Variants in GPC6 observed in about 807,000 individuals in gnomAD.
The protein encoded by GPC6 is glypican 6, also known as glypican-6.
A neutral mutation model predicts 55.2 loss-of-function variants in GPC6; 14 were observed. The observed-to-expected ratio is 0.25, with a 90% CI of 0.17 to 0.40. The LOEUF (loss-of-function observed/expected upper bound fraction) is 0.40. Ranked by LOEUF, GPC6 falls within the 10% of genes least tolerant of loss-of-function variation. The pLI is 1.00. For missense variants in GPC6, 641 were observed against 708.5 expected (o/e 0.90, Z 1.08); for synonymous variants, 278 against 259.6 (o/e 1.07, Z -0.68).
chr13:94,362,350 CAT>C (rs1879097702), intron 6 of GPC6, among the ~76,000 whole-genome samples: 1 of 152,184 alleles, frequency 6.6e-6, no homozygotes, highest in African/African-American at 2.4e-5. Context: ...GTATCAATAA[CAT>C]AAAATTTCAC....
At chr13:94,074,576 A>T (rs1159952927) in intron 4 of GPC6, among the ~76,000 whole-genome samples, 1 of 152,196 alleles carries the variant, frequency 6.6e-6, no homozygotes, top group East Asian at 1.9e-4. Context: ...ATGACTTCAG[A>T]TAGAAAAGTC....
At chr13:93,249,375 C>T (rs1028172121) in intron 1 of GPC6, among the ~76,000 whole-genome samples, 1 of 152,146 alleles carries the variant, frequency 6.6e-6, no homozygotes, top group Non-Finnish European at 1.5e-5. Context: ...GAATTGTATC[C>T]TTTCTGCCTT....
chr13:93,450,768 A>G (rs1185215163), intron 1 of GPC6: 2 of 875,572 alleles, frequency 2.3e-6, no homozygotes, highest in African/African-American at 1.8e-5. Context: ...CCTTTAGGAA[A>G]TAGTTTATTT....
At chr13:93,363,007 A>G (rs1037029112) in intron 1 of GPC6, among the ~76,000 whole-genome samples, 1 of 152,046 alleles carries the variant, frequency 6.6e-6, no homozygotes, top group African/African-American at 2.4e-5. Flanking sequence ...CTGATGAACG[A>G]CTATTTTTTA....
intron 1 of GPC6, among the ~76,000 whole-genome samples, chr13:93,305,544 C>T (rs1053115662): frequency 1.3e-5 from 2 of 152,138 alleles, no homozygotes; most frequent in African/African-American, 4.8e-5. Flanking sequence ...GATGCCAACT[C>T]TATCCATGAA....
chr13:93,585,327 G>A (rs899076804), intron 2 of GPC6, among the ~76,000 whole-genome samples: 1 of 151,760 alleles, frequency 6.6e-6, no homozygotes, highest in African/African-American at 2.4e-5. Context: ...CATTCTACCT[G>A]GTATATGTTA....
chr13:93,973,882 A>C (rs2140397198), intron 3 of GPC6, among the ~76,000 whole-genome samples: 1 of 152,322 alleles, frequency 6.6e-6, no homozygotes, highest in Middle Eastern at 3.4e-3. Context: ...ACTAGATTTT[A>C]AATGACTCTC....
chr13:94,163,662 T>C (rs1038632701), intron 4 of GPC6, among the ~76,000 whole-genome samples: 3 of 152,180 alleles, frequency 2.0e-5, no homozygotes, highest in African/African-American at 7.2e-5. Flanking sequence ...AAGCACTAGA[T>C]TGCCAAGTAG....
chr13:93,880,577 G>A (rs933144304), intron 3 of GPC6, among the ~76,000 whole-genome samples: 10 of 152,194 alleles, frequency 6.6e-5, no homozygotes, highest in African/African-American at 2.2e-4. Flanking sequence ...GGTTGGGGGA[G>A]GAGGTAGGGA....
intron 2 of GPC6, among the ~76,000 whole-genome samples, chr13:93,556,373 AGTGTGTGTGTGT>A (rs56706276): frequency 7.5e-5 from 10 of 134,180 alleles, no homozygotes; most frequent in African/African-American, 2.7e-4. Flanking sequence ...GTGGGTAAAT[AGTGTGTGTGTGT>A]GTGTGTGTGT....
At chr13:94,203,984 A>G (rs1205971783) in intron 4 of GPC6, among the ~76,000 whole-genome samples, 2 of 152,188 alleles carry the variant, frequency 1.3e-5, no homozygotes, top group Non-Finnish European at 2.9e-5. Context: ...AAGTCTCAGC[A>G]AAACTACTAT....
At chr13:93,322,981 G>C (rs1015868676) in intron 1 of GPC6, among the ~76,000 whole-genome samples, 3 of 151,766 alleles carry the variant, frequency 2.0e-5, no homozygotes, top group Non-Finnish European at 4.4e-5. Flanking sequence ...GAACAAAGCA[G>C]TTCAGTTTGA....
chr13:93,597,248 C>A (rs1284277975), intron 2 of GPC6, among the ~76,000 whole-genome samples: 1 of 152,072 alleles, frequency 6.6e-6, no homozygotes, highest in East Asian at 1.9e-4. Context: ...CACACTATGT[C>A]CTAATCAAGT....
At chr13:93,922,305 C>A (rs1877615880) in intron 3 of GPC6, among the ~76,000 whole-genome samples, 1 of 152,070 alleles carries the variant, frequency 6.6e-6, no homozygotes, top group Non-Finnish European at 1.5e-5. Flanking sequence ...GCTATGTATC[C>A]TCTTAACAAC....
At chr13:93,984,539 A>G (rs1433688770) in intron 3 of GPC6, among the ~76,000 whole-genome samples, 3 of 152,216 alleles carry the variant, frequency 2.0e-5, no homozygotes, top group Non-Finnish European at 4.4e-5. Flanking sequence ...AAATAGTCAA[A>G]TTCAAATGTA....
rs115646878 is a variant in GPC6, at chr13:93,336,241, A to G, written c.160+108625A>G. On this transcript the variant is annotated intron_variant, in intron 1 of 8. Coordinates refer to ENST00000377047, the MANE Select transcript of GPC6 (RefSeq NM_005708.5). ...TAGAAGCGTTGTGTAAAATGTGTGG[A>G]GTAAAAAGTTTTTGCAGATAATGTG... Among the ~76,000 whole-genome samples, 806 of 152,304 alleles carry G rather than the reference A, an allele frequency of 5.3e-3. 11 individuals are homozygous for G. Among genetic ancestry groups the G allele is most frequent in the African/African-American group, 0.018 (765 of 41,572 alleles).
chr13:93,429,816 T>C (rs5005455), intron 1 of GPC6, among the ~76,000 whole-genome samples: 37,071 of 151,998 alleles, frequency 0.24, 4,503 homozygotes, highest in Middle Eastern at 0.29. Flanking sequence ...CTCAGGTGCC[T>C]TGACCCACAT....
intron 7 of GPC6, among the ~76,000 whole-genome samples, chr13:94,385,815 T>TTGTAAG (rs55977830): frequency 0.13 from 20,521 of 152,136 alleles, 1,549 homozygotes; most frequent in East Asian, 0.28. Flanking sequence ...CTAAACTATT[T>TTGTAAG]TGTAAGAATC....
intron 4 of GPC6, among the ~76,000 whole-genome samples, chr13:94,114,015 TAAA>T (rs781286249): frequency 8.5e-4 from 32 of 37,432 alleles, no homozygotes; most frequent in African/African-American, 3.1e-3. Flanking sequence ...AGACTCTGTC[TAAA>T]AAAAAAAAAA....
Sources: allele counts gnomAD v4.1 joint callset (sites outside exome capture counted in the v4.1 genomes callset), GRCh38; gene constraint gnomAD v4.1.1; transcripts MANE v1.5; gene names NCBI Gene and HGNC (gene_info 2026-07-23, HGNC 2026-07-21).